FIG4: variants seen among roughly 807,000 people sequenced by gnomAD.
FIG4 encodes FIG4 phosphoinositide 5-phosphatase.
In FIG4, 112 loss-of-function variants were observed where a neutral mutation model predicts 118.6. The observed-to-expected ratio is 0.94, with a 90% CI of 0.81 to 1.11. The LOEUF (loss-of-function observed/expected upper bound fraction) is 1.11. FIG4 is among the 50% of genes least tolerant of loss of function. The probability of loss-of-function intolerance (pLI) is 0.00; values close to 1 mark genes in which losing one functional copy is unlikely to be tolerated. For missense variants in FIG4, 969 were observed against 1,111.7 expected (o/e 0.87, Z 1.83); for synonymous variants, 369 against 381.2 (o/e 0.97, Z 0.37).
At position 109,735,207 on chromosome 6, in the gene FIG4, C is replaced by T; in HGVS notation, c.555C>T (p.Pro185=). The T allele has an allele frequency of 6.2e-7, 1 of 1,612,784 alleles. No individual in the cohort carries two copies. The highest frequency in any genetic ancestry group is 8.5e-7 in the Non-Finnish European group (1 of 1,178,996). ...ATAATCTCACTGTCTTGCGAATGCC[C>T]CTGGAGATGTTAAAGTCAGAAATGA... ...LQYNLTVLRM[P]LEMLKSEMTQ... Residue 185 remains proline (P), a synonymous_variant, in exon 6 of 23, where the codon CCC becomes CCT. Coordinates refer to ENST00000230124, the MANE Select transcript of FIG4 (RefSeq NM_014845.6).
intron 3 of FIG4, 31 bp downstream of exon 3, chr6:109,716,599 C>G: frequency 6.2e-7 from 1 of 1,612,566 alleles, no homozygotes; most frequent in Non-Finnish European, 8.5e-7. Flanking sequence ...CTTACAATCT[C>G]TTGTTTTTTG....
At chr6:109,771,384 C>T (rs1340913839) in intron 15 of FIG4, among the ~76,000 whole-genome samples, 1 of 151,606 alleles carries the variant, frequency 6.6e-6, no homozygotes, top group Non-Finnish European at 1.5e-5. Flanking sequence ...AAAACTACAA[C>T]ACCTCAGTCT....
intron 22 of FIG4, among the ~76,000 whole-genome samples, chr6:109,824,570 T>C (rs1429470071): frequency 6.6e-6 from 1 of 152,230 alleles, no homozygotes; most frequent in Admixed American, 6.5e-5. Flanking sequence ...TCACATTTAC[T>C]GAGCTCCCAG....
chr6:109,779,540 G>A (rs952347863), intron 16 of FIG4, among the ~76,000 whole-genome samples: 4 of 152,154 alleles, frequency 2.6e-5, no homozygotes, highest in African/African-American at 7.2e-5. Flanking sequence ...TAGATAATAT[G>A]GCTTACTCAG....
At chr6:109,744,552 A>G (rs1375628679) in intron 10 of FIG4, among the ~76,000 whole-genome samples, 4 of 151,976 alleles carry the variant, frequency 2.6e-5, no homozygotes, top group African/African-American at 9.7e-5. Flanking sequence ...TTATTCTGAG[A>G]GGTTGGTTAA....
At chr6:109,764,969 G>C (rs765912390) in intron 13 of FIG4, 44 bp from the exon 14 acceptor site, 3 of 1,569,058 alleles carry the variant, frequency 1.9e-6, no homozygotes, top group Non-Finnish European at 2.6e-6. Flanking sequence ...GAAGTTCTTT[G>C]GTGATGGAAT....
At chr6:109,718,556 C>A (rs1434958774) in intron 3 of FIG4, among the ~76,000 whole-genome samples, 2 of 152,074 alleles carry the variant, frequency 1.3e-5, no homozygotes, top group Non-Finnish European at 2.9e-5. Context: ...CATACGTAAT[C>A]CCTTTAGGCT....
At chr6:109,715,276 A>G (rs6924436) in intron 2 of FIG4, 100 bp downstream of exon 2, 1 of 663,600 alleles carries the variant, frequency 1.5e-6, no homozygotes. Flanking sequence ...TATTTTTATC[A>G]TAAATCTAAA....
chr6:109,779,855 T>C (rs952587639), intron 16 of FIG4, among the ~76,000 whole-genome samples: 1 of 152,246 alleles, frequency 6.6e-6, no homozygotes, highest in Middle Eastern at 3.2e-3. Flanking sequence ...TTGGAATTTC[T>C]GCAAGTGTAT....
chr6:109,796,751 A>T lies in FIG4; in HGVS notation c.2460-14A>T, dbSNP rs558299221. 1.5e-5 allele frequency: 23 copies of T among 1,518,864 alleles called. No individual in the cohort carries two copies. The Admixed American group carries it at 1.8e-4, about 12-fold the overall frequency. 94.1% of individuals were successfully genotyped at this position (1,518,864 alleles called of 1,614,324 possible). A position where few individuals can be genotyped will look rare whatever the true frequency, so the allele number is the denominator to read the frequency against. ...TCCCTTCTTTAGCTGACTCTTATCC[A>T]TTGTAATTTGTAGATTTGTTCAGCT... On this transcript the variant is annotated splice_polypyrimidine_tract_variant and intron_variant, in intron 21 of 22. Coordinates refer to ENST00000230124, the MANE Select transcript of FIG4 (RefSeq NM_014845.6).
chr6:109,808,574 A>AT (rs1460471779), intron 22 of FIG4, among the ~76,000 whole-genome samples: 1 of 152,076 alleles, frequency 6.6e-6, no homozygotes, highest in Non-Finnish European at 1.5e-5. Flanking sequence ...TTGTGTGGTG[A>AT]TTGTCTAAGT....
rs749221759 is a variant in FIG4 at position 109,715,201 on chromosome 6, C to CA, written c.165+32dup. ...GGTAAGTATCCTCCAAACCTGACTGCAAAAAAACTTTCATACCTGTTGTTT... is the reference window on the plus strand; with the variant it reads ...GGTAAGTATCCTCCAAACCTGACTGCAAAAAAAACTTTCATACCTGTTGTTT... On this transcript the variant is annotated intron_variant, in intron 2 of 22. Transcript: ENST00000230124. The CA allele has an allele frequency of 1.3e-4, 160 of 1,257,548 alleles. No individual in the cohort carries two copies. In the South Asian group the frequency reaches 1.7e-3, roughly 13 times the overall value. 77.9% of individuals were successfully genotyped at this position (1,257,548 alleles called of 1,614,324 possible). A position where few individuals can be genotyped will look rare whatever the true frequency, so the allele number is the denominator to read the frequency against.
chr6:109,694,467 C>T (rs917258672), intron 1 of FIG4, among the ~76,000 whole-genome samples: 4 of 152,084 alleles, frequency 2.6e-5, no homozygotes, highest in Non-Finnish European at 4.4e-5. Context: ...AGTGCAAGAC[C>T]CAAAACTGTA....
At chr6:109,812,272 A>G (rs944426228) in intron 22 of FIG4, among the ~76,000 whole-genome samples, 1 of 152,104 alleles carries the variant, frequency 6.6e-6, no homozygotes, top group Non-Finnish European at 1.5e-5. Context: ...TCTTTATAGC[A>G]GTGTAAAAAT....
At chr6:109,784,274 G>A (rs1777889072) in intron 16 of FIG4, among the ~76,000 whole-genome samples, 1 of 152,102 alleles carries the variant, frequency 6.6e-6, no homozygotes, top group Admixed American at 6.6e-5. Flanking sequence ...TCAGAGAGAA[G>A]GCCACTTAGG....
intron 22 of FIG4, among the ~76,000 whole-genome samples, chr6:109,811,687 A>G (rs1345220600): frequency 6.6e-6 from 1 of 152,212 alleles, no homozygotes; most frequent in East Asian, 1.9e-4. Context: ...AGACAGTTTC[A>G]TATTAGGGTA....
chr6:109,815,975 A>G (rs186069775), intron 22 of FIG4, among the ~76,000 whole-genome samples: 1 of 152,220 alleles, frequency 6.6e-6, no homozygotes, highest in Admixed American at 6.5e-5. Flanking sequence ...TGTTTTCTTT[A>G]TAATTGCCAG....
chr6:109,804,908 C>T (rs1025846417), intron 22 of FIG4, among the ~76,000 whole-genome samples: 3 of 151,988 alleles, frequency 2.0e-5, no homozygotes, highest in African/African-American at 7.3e-5. Flanking sequence ...CAGTCCATAC[C>T]GTGATACTAA....
In FIG4 at chr6:109,785,022, G is replaced by A; in HGVS notation, c.1942G>A (p.Asp648Asn). Residue 648 changes from aspartate (D) to asparagine (N), a missense_variant, in exon 17 of 23, where the codon GAT becomes AAT. Transcript: ENST00000230124. ...EVIKHLPLPY[D>N]EVICAVNLKK... ...GATAAAGCATTTACCATTGCCCTAT[G>A]ATGAAGGTAGGTAACTGTTTGTGTT... 6.4e-7 allele frequency: 1 copy of A among 1,561,108 alleles called. No individual in the cohort carries two copies. Among genetic ancestry groups the A allele is most frequent in the Non-Finnish European group, 8.8e-7 (1 of 1,131,304 alleles).
Sources: gnomAD v4.1 joint callset for allele counts (sites outside exome capture counted in the v4.1 genomes callset) on GRCh38, gnomAD v4.1.1 for gene constraint, MANE v1.5 for transcripts, NCBI Gene and HGNC (gene_info 2026-07-23, HGNC 2026-07-21) for gene names.